Variants in FSTL4 observed in about 807,000 individuals in gnomAD.
FSTL4 encodes the protein follistatin-related protein 4.
FSTL4 carries 28 observed loss-of-function variants against 78.2 expected under a neutral mutation model. The observed-to-expected ratio is 0.36, with a 90% CI of 0.27 to 0.49. FSTL4 has a LOEUF of 0.49. Ranked by LOEUF, FSTL4 falls within the 20% of genes least tolerant of loss-of-function variation. The probability of loss-of-function intolerance (pLI) is 0.98; values close to 1 mark genes in which losing one functional copy is unlikely to be tolerated. For synonymous variants in FSTL4, 422 were observed against 440.5 expected, an observed-to-expected ratio of 0.96 and a Z score of 0.53; for missense variants, 922 against 1,084.9, an observed-to-expected ratio of 0.85 and a Z score of 2.11.
At chr5:133,745,226 C>T in the FSTL4 span, among the ~76,000 whole-genome samples, 10 of 152,260 alleles carry the variant, frequency 6.6e-5, no homozygotes, top group Non-Finnish European at 1.3e-4. Context: ...AATGGAAATA[C>T]GCCAAGGGCC....
chr5:133,403,583 C>T (rs549100878), intron 3 of FSTL4, among the ~76,000 whole-genome samples: 37 of 152,284 alleles, frequency 2.4e-4, no homozygotes, highest in African/African-American at 3.1e-4. Flanking sequence ...GCTAGGGGCT[C>T]GGATGGGGAG....
intron 8 of FSTL4, among the ~76,000 whole-genome samples, chr5:133,230,661 T>G (rs1156268760): frequency 6.6e-6 from 1 of 152,118 alleles, no homozygotes; most frequent in Non-Finnish European, 1.5e-5. Context: ...ATCTGCCTGC[T>G]CCACCTCCGG....
chr5:133,721,256 T>C, the FSTL4 span, among the ~76,000 whole-genome samples: 8 of 152,242 alleles, frequency 5.3e-5, no homozygotes, highest in Non-Finnish European at 1.2e-4. Flanking sequence ...ATCGTAGCTT[T>C]ATTTATTTTT....
chr5:133,528,361 G>C (rs189728324), intron 3 of FSTL4, among the ~76,000 whole-genome samples: 1 of 152,248 alleles, frequency 6.6e-6, no homozygotes, highest in East Asian at 1.9e-4. Context: ...TGCTCTCATG[G>C]AATTTTCTCT....
chr5:133,642,681 A>G, the FSTL4 span, among the ~76,000 whole-genome samples: 1 of 152,220 alleles, frequency 6.6e-6, no homozygotes, highest in Non-Finnish European at 1.5e-5. Flanking sequence ...GTTAAGGAGC[A>G]TGACCATCTC....
intron 3 of FSTL4, among the ~76,000 whole-genome samples, chr5:133,480,299 C>CCTTT (rs1354512556): frequency 6.6e-6 from 1 of 152,232 alleles, no homozygotes. Flanking sequence ...ATAATATTAA[C>CCTTT]CTTTCACCAT....
intron 3 of FSTL4, among the ~76,000 whole-genome samples, chr5:133,459,678 C>T (rs1757556091): frequency 6.6e-6 from 1 of 152,170 alleles, no homozygotes; most frequent in Non-Finnish European, 1.5e-5. Context: ...AATGGGGTCA[C>T]ACAGGAGAGG....
chr5:133,399,031 G>T (rs1269097907), intron 4 of FSTL4, among the ~76,000 whole-genome samples: 1 of 152,166 alleles, frequency 6.6e-6, no homozygotes, highest in Non-Finnish European at 1.5e-5. Flanking sequence ...TCCTCACCTC[G>T]GTGGGTTTTG....
intron 4 of FSTL4, among the ~76,000 whole-genome samples, chr5:133,382,359 T>G (rs1343394904): frequency 6.6e-6 from 1 of 152,206 alleles, no homozygotes; most frequent in Non-Finnish European, 1.5e-5. Context: ...TACTGTGGCA[T>G]AACCTAACAC....
At chr5:133,462,922 C>T (rs1011864477) in intron 3 of FSTL4, among the ~76,000 whole-genome samples, 1 of 152,188 alleles carries the variant, frequency 6.6e-6, no homozygotes, top group Non-Finnish European at 1.5e-5. Context: ...TGAGCTGCGC[C>T]TGGGCCAAGG....
At chr5:133,332,690 C>T (rs962436721) in intron 4 of FSTL4, among the ~76,000 whole-genome samples, 1 of 152,162 alleles carries the variant, frequency 6.6e-6, no homozygotes, top group Admixed American at 6.5e-5. Context: ...AAGAACTTTC[C>T]AGGCAGAAGG....
chr5:133,772,118 T>C, the FSTL4 span, among the ~76,000 whole-genome samples: 1 of 152,182 alleles, frequency 6.6e-6, no homozygotes, highest in Non-Finnish European at 1.5e-5. Context: ...ATCCATCTGA[T>C]CAGAAATCAC....
At chr5:133,687,730 G>A in the FSTL4 span, among the ~76,000 whole-genome samples, 2 of 152,212 alleles carry the variant, frequency 1.3e-5, no homozygotes, top group Non-Finnish European at 2.9e-5. Context: ...TGATGATCTA[G>A]ATGTGGCTGC....
At chr5:133,524,675 C>T (rs1441286354) in intron 3 of FSTL4, among the ~76,000 whole-genome samples, 1 of 152,164 alleles carries the variant, frequency 6.6e-6, no homozygotes, top group Non-Finnish European at 1.5e-5. Flanking sequence ...AAATGCACCC[C>T]CCACCCCGCC....
chr5:133,202,236 C>A (rs1164032655), intron 14 of FSTL4, among the ~76,000 whole-genome samples, 194 bp from the exon 15 acceptor site: 1 of 152,200 alleles, frequency 6.6e-6, no homozygotes, highest in East Asian at 1.9e-4. Flanking sequence ...GGGACCCATT[C>A]TTCCTGAAAG....
At chr5:133,781,646 G>C in the FSTL4 span, among the ~76,000 whole-genome samples, 1 of 152,178 alleles carries the variant, frequency 6.6e-6, no homozygotes, top group African/African-American at 2.4e-5. Flanking sequence ...CTCCGAACTG[G>C]TGAAGTGATT....
the FSTL4 span, among the ~76,000 whole-genome samples, chr5:133,662,007 C>A: frequency 6.6e-6 from 1 of 152,192 alleles, no homozygotes; most frequent in Admixed American, 6.5e-5. Flanking sequence ...TTACCAGAAT[C>A]CAACCATACA....
chr5:133,275,426 G>T (rs1198269401), intron 6 of FSTL4, among the ~76,000 whole-genome samples: 10 of 152,118 alleles, frequency 6.6e-5, no homozygotes. Flanking sequence ...CAGGCGTGGT[G>T]GCGGGTGCCT....
chr5:133,467,599 G>A (rs1757743502), intron 3 of FSTL4, among the ~76,000 whole-genome samples: 1 of 152,172 alleles, frequency 6.6e-6, no homozygotes, highest in Admixed American at 6.5e-5. Flanking sequence ...CACAGAGGGT[G>A]GGCCTGAGTC....
Sources: gnomAD v4.1 joint callset for allele counts (sites outside exome capture counted in the v4.1 genomes callset) on GRCh38, gnomAD v4.1.1 for gene constraint, MANE v1.5 for transcripts, NCBI Gene and HGNC (gene_info 2026-07-23, HGNC 2026-07-21) for gene names.